Variants in CNTNAP4 observed in about 807,000 individuals in gnomAD.
CNTNAP4 encodes contactin associated protein family member 4.
CNTNAP4 carries 98 observed loss-of-function variants against 148.4 expected under a neutral mutation model. The ratio of observed to expected loss-of-function variants is 0.66; its 90% CI spans 0.56 to 0.78. The LOEUF (loss-of-function observed/expected upper bound fraction) is 0.78. Among genes scored for constraint, CNTNAP4 ranks in the 30% least tolerant of loss-of-function variants. CNTNAP4 has a pLI of 0.00. For missense variants in CNTNAP4, 1,935 were observed against 1,565.6 expected (o/e 1.24, Z -3.98); for synonymous variants, 730 against 565.1 (o/e 1.29, Z -4.14).
intron 1 of CNTNAP4, among the ~76,000 whole-genome samples, chr16:76,315,577 A>G (rs1000045181): frequency 6.6e-6 from 1 of 152,120 alleles, no homozygotes; most frequent in Non-Finnish European, 1.5e-5. Context: ...TTGAGGATCA[A>G]TTTATATAGG....
intron 3 of CNTNAP4, among the ~76,000 whole-genome samples, chr16:76,375,558 G>A (rs191938125): frequency 2.6e-5 from 4 of 152,310 alleles, no homozygotes; most frequent in Admixed American, 6.5e-5. Context: ...GTAGAACAAG[G>A]TTGGCTCTTA....
intron 18 of CNTNAP4, among the ~76,000 whole-genome samples, chr16:76,537,188 T>G (rs1263581532): frequency 6.6e-6 from 1 of 152,214 alleles, no homozygotes; most frequent in Non-Finnish European, 1.5e-5. Context: ...TCTTGCTAAG[T>G]GCAACCGTAA....
intron 2 of CNTNAP4, among the ~76,000 whole-genome samples, chr16:76,336,443 C>T (rs1170465625): frequency 5.3e-5 from 8 of 152,082 alleles, no homozygotes. Flanking sequence ...AAGACTTTTC[C>T]CCCAAAAGAA....
chr16:76,360,028 T>C (rs1396359937), intron 3 of CNTNAP4, among the ~76,000 whole-genome samples: 1 of 152,254 alleles, frequency 6.6e-6, no homozygotes, highest in African/African-American at 2.4e-5. Context: ...ACCAATCTTA[T>C]AAACTGAGTA....
intron 3 of CNTNAP4, among the ~76,000 whole-genome samples, chr16:76,395,659 T>C (rs1296534143): frequency 6.6e-6 from 1 of 152,146 alleles, no homozygotes; most frequent in African/African-American, 2.4e-5. Context: ...TAAACACCAT[T>C]AGGCAGTTCT....
intron 21 of CNTNAP4, among the ~76,000 whole-genome samples, chr16:76,548,475 A>C (rs1323052064): frequency 6.6e-6 from 1 of 151,696 alleles, no homozygotes; most frequent in African/African-American, 2.4e-5. Flanking sequence ...AATTGTTCTT[A>C]CATGTATTGT....
At chr16:76,522,717 T>TC (rs1199318492) in intron 17 of CNTNAP4, among the ~76,000 whole-genome samples, 2,531 of 50,754 alleles carry the variant, frequency 0.05, 321 homozygotes, top group Middle Eastern at 0.075. Flanking sequence ...TTTTCTTTTC[T>TC]TTTCTTTTCT....
intron 17 of CNTNAP4, among the ~76,000 whole-genome samples, chr16:76,524,338 T>C (rs2083619268): frequency 6.6e-6 from 1 of 152,172 alleles, no homozygotes. Context: ...AAGCTATTTC[T>C]TGAATTACAA....
intron 3 of CNTNAP4, among the ~76,000 whole-genome samples, chr16:76,358,376 T>G (rs2012977150): frequency 6.6e-6 from 1 of 152,082 alleles, no homozygotes; most frequent in Non-Finnish European, 1.5e-5. Context: ...ACTGAAGAGA[T>G]AAGGCATATC....
chr16:76,545,439 G>A (rs1024011603), intron 21 of CNTNAP4, among the ~76,000 whole-genome samples: 9 of 152,306 alleles, frequency 5.9e-5, no homozygotes, highest in African/African-American at 2.2e-4. Context: ...TGATAACTTG[G>A]AAGTTGAGAT....
chr16:76,362,950 A>G (rs372545351), intron 3 of CNTNAP4, among the ~76,000 whole-genome samples: 2 of 152,242 alleles, frequency 1.3e-5, no homozygotes, highest in East Asian at 3.9e-4. Flanking sequence ...GGGGCCAGGC[A>G]TGGCAGCTTA....
At chr16:76,500,813 A>C (rs929070701) in intron 15 of CNTNAP4, among the ~76,000 whole-genome samples, 1 of 151,958 alleles carries the variant, frequency 6.6e-6, no homozygotes, top group Admixed American at 6.6e-5. Context: ...GAATGAAATG[A>C]GCATATGTAT....
chr16:76,427,693 A>T, intron 4 of CNTNAP4, 94 bp downstream of exon 4: 1 of 1,121,842 alleles, frequency 8.9e-7, no homozygotes. Context: ...TTAGCTACAT[A>T]AAGAGGTATA....
At chr16:76,397,206 G>C (rs1265215634) in intron 3 of CNTNAP4, among the ~76,000 whole-genome samples, 1 of 151,954 alleles carries the variant, frequency 6.6e-6, no homozygotes, top group Non-Finnish European at 1.5e-5. Flanking sequence ...AAAGGGCAGA[G>C]AACAGTTTCC....
At chr16:76,293,204 A>T (rs1337354802) in intron 1 of CNTNAP4, among the ~76,000 whole-genome samples, 1 of 151,588 alleles carries the variant, frequency 6.6e-6, no homozygotes, top group Non-Finnish European at 1.5e-5. Flanking sequence ...GGCTAACTGC[A>T]ACCTCCACCT....
At chr16:76,286,139 C>G (rs777723467) in intron 1 of CNTNAP4, among the ~76,000 whole-genome samples, 2 of 149,124 alleles carry the variant, frequency 1.3e-5, no homozygotes, top group Non-Finnish European at 3.0e-5. Context: ...TGAAAGTGGT[C>G]TTTAAGGGAA....
At chr16:76,535,883 T>G (rs1365456954) in intron 18 of CNTNAP4, 99 bp downstream of exon 18, 1 of 1,356,128 alleles carries the variant, frequency 7.4e-7, no homozygotes, top group Admixed American at 2.4e-5. Context: ...CAAAAAAAAT[T>G]CAATTTCTGA....
intron 15 of CNTNAP4, among the ~76,000 whole-genome samples, chr16:76,504,452 A>G (rs1007859485): frequency 4.6e-5 from 7 of 152,168 alleles, no homozygotes; most frequent in Non-Finnish European, 8.8e-5. Context: ...TTCAAAGCAG[A>G]TACAAAAATT....
chr16:76,314,621 G>A (rs1005588592), intron 1 of CNTNAP4, among the ~76,000 whole-genome samples: 9 of 152,168 alleles, frequency 5.9e-5, no homozygotes, highest in African/African-American at 2.2e-4. Context: ...TGGGACATCA[G>A]GACACGCCCA....
Sources: allele counts gnomAD v4.1 joint callset (sites outside exome capture counted in the v4.1 genomes callset), GRCh38; gene constraint gnomAD v4.1.1; transcripts MANE v1.5; gene names NCBI Gene and HGNC (gene_info 2026-07-23, HGNC 2026-07-21).